Variants in PATJ observed in about 807,000 individuals in gnomAD.
The protein encoded by PATJ is PATJ crumbs cell polarity complex component.
In PATJ, 190 loss-of-function variants were observed where a neutral mutation model predicts 224.9. That is an observed-to-expected ratio of 0.84 (90% CI 0.75 to 0.95). PATJ has a LOEUF of 0.95. Ranked by LOEUF, PATJ falls within the 40% of genes least tolerant of loss-of-function variation. The pLI is 0.00. For missense variants in PATJ, 2,121 were observed against 2,270.3 expected (o/e 0.93, Z 1.34); for synonymous variants, 769 against 820.3 (o/e 0.94, Z 1.07).
intron 1 of PATJ, among the ~76,000 whole-genome samples, chr1:61,754,518 A>ATTTTTTTT (rs1557582039): frequency 1.3e-4 from 14 of 108,416 alleles, no homozygotes; most frequent in Admixed American, 1.2e-4. Context: ...AATTTTTTGC[A>ATTTTTTTT]TGTTTTTTTT....
intron 27 of PATJ, among the ~76,000 whole-genome samples, chr1:61,934,361 G>T (rs775305474): frequency 1.3e-5 from 2 of 151,990 alleles, no homozygotes; most frequent in East Asian, 1.9e-4. Flanking sequence ...CAGGTGATCC[G>T]CCTGCTTTGG....
chr1:61,978,484 C>T (rs752568041), intron 27 of PATJ, among the ~76,000 whole-genome samples: 3 of 151,952 alleles, frequency 2.0e-5, no homozygotes, highest in Non-Finnish European at 2.9e-5. Context: ...AGGCTGGTCT[C>T]GAACTCCCAA....
chr1:61,760,145 G>C lies in PATJ; in HGVS notation c.-35-2713G>C, dbSNP rs375249961. 2.6e-5 allele frequency among the ~76,000 whole-genome samples: 4 copies of C among 152,304 alleles called. No homozygotes were observed. In the South Asian group the frequency reaches 8.3e-4, roughly 32 times the overall value. On this transcript the variant is annotated intron_variant, in intron 1 of 43. Coordinates refer to ENST00000642238, the MANE Select transcript of PATJ (RefSeq NM_001350145.3). ...ATTCACAGTTACCTGTCACTGGGTA[G>C]TTGTAAGAGTTGTACAGTTGAGATG...
chr1:61,828,200 G>C (rs1242282882), intron 16 of PATJ, among the ~76,000 whole-genome samples: 1 of 149,134 alleles, frequency 6.7e-6, no homozygotes, highest in Non-Finnish European at 1.5e-5. Flanking sequence ...CTGAGATCAC[G>C]CCATTGCACT....
At chr1:61,883,863 GTTTT>G (rs67157531) in intron 21 of PATJ, among the ~76,000 whole-genome samples, 1 of 145,556 alleles carries the variant, frequency 6.9e-6, no homozygotes, top group Admixed American at 6.8e-5. Context: ...TTCTGTGGAG[GTTTT>G]TTTTTTTTTT....
At position 61,801,697 on chromosome 1, in the gene PATJ, G is replaced by A. The variant is rs1381652229; in HGVS notation, c.1477G>A (p.Gly493Ser). The A allele has an allele frequency of 1.3e-6, 2 of 1,598,384 alleles. No individual in the cohort carries two copies. The highest frequency in any genetic ancestry group is 1.7e-5 in the Admixed American group (1 of 59,712). The change falls in exon 12 of 44, where the codon GGT becomes AGT. Residue 493 changes from glycine to serine, a missense_variant. Coordinates refer to ENST00000642238, the MANE Select transcript of PATJ (RefSeq NM_001350145.3). ...AGTGGAAACTGAAACTAATGTGGAT[G>A]GTGAAGATGAGGAAATTAAAGAAAG... ...GAVETETNVDGEDEEIKERID... is the reference protein window; with the variant it reads ...GAVETETNVDSEDEEIKERID...
At chr1:61,781,132 G>A (rs1006731374) in intron 7 of PATJ, among the ~76,000 whole-genome samples, 15 of 152,148 alleles carry the variant, frequency 9.9e-5, no homozygotes, top group South Asian at 2.1e-4. Context: ...GATTGAGCCC[G>A]TACCTGTTTG....
rs139717707 is a variant in PATJ at position 61,815,573 on chromosome 1, C to T, written c.1683+7043C>T. Among the ~76,000 whole-genome samples the T allele has an allele frequency of 2.4e-3, 360 of 152,252 alleles. 2 individuals are homozygous for T. Among genetic ancestry groups the T allele is most frequent in the African/African-American group, 7.5e-3 (310 of 41,558 alleles). On this transcript the variant is annotated intron_variant, in intron 14 of 43. Transcript: ENST00000642238. The stretch of plus-strand genomic sequence containing the variant: ...GATGATTCCAGAAGCATCTACATGA[C>T]TGGGCGGGGTGGTTTATGCATATAA...
chr1:62,113,580 A>G lies in PATJ; in HGVS notation c.4462-473A>G, dbSNP rs181414608. Among the ~76,000 whole-genome samples, 3 of 152,262 alleles carry G rather than the reference A, an allele frequency of 2.0e-5. No individual in the cohort carries two copies. In the East Asian group the frequency reaches 5.8e-4, roughly 29 times the overall value. The stretch of plus-strand genomic sequence containing the variant: ...GAGTCTGGGAAGTCAAGGCTGCAGT[A>G]AGCCAGCATTCATGCCACTGCACTC... On this transcript the variant is annotated intron_variant, in intron 34 of 43. Coordinates refer to ENST00000642238, the MANE Select transcript of PATJ (RefSeq NM_001350145.3).
At chr1:61,981,716 G>T (rs1184878760) in intron 27 of PATJ, among the ~76,000 whole-genome samples, 1 of 151,112 alleles carries the variant, frequency 6.6e-6, no homozygotes, top group Non-Finnish European at 1.5e-5. Context: ...CTGTCGCCCA[G>T]GTTGGAGTGC....
chr1:61,766,238 T>C (rs1646262427), intron 3 of PATJ, 41 bp from the exon 4 acceptor site: 3 of 1,338,936 alleles, frequency 2.2e-6, no homozygotes, highest in Non-Finnish European at 2.0e-6. Context: ...AAACAATTTT[T>C]CTATAGATTT....
chr1:62,071,409 C>T (rs1326716785), intron 31 of PATJ, among the ~76,000 whole-genome samples: 1 of 151,750 alleles, frequency 6.6e-6, no homozygotes, highest in Non-Finnish European at 1.5e-5. Context: ...GAAATTATAG[C>T]TACTTTTATT....
chr1:61,808,629 G>A, intron 14 of PATJ, 99 bp downstream of exon 14: 1 of 706,986 alleles, frequency 1.4e-6, no homozygotes, highest in Non-Finnish European at 2.4e-6. Flanking sequence ...AGGCTAAAGT[G>A]ATCCTCCCGT....
intron 33 of PATJ, among the ~76,000 whole-genome samples, chr1:62,088,080 G>A (rs551042382): frequency 1.4e-4 from 21 of 151,920 alleles, no homozygotes; most frequent in Non-Finnish European, 2.9e-4. Context: ...TAGTAGAGAC[G>A]GGGTTTCTCC....
rs1163427386 is a variant in PATJ, at chr1:61,968,605, A to G, written c.3671-21563A>G. ...TTTAAGTTCTAGGGTACATGTGCAC[A>G]ACGTGCAGGTTTGTTACATGTGTAT... On this transcript the variant is annotated intron_variant, in intron 27 of 43. Transcript: ENST00000642238. Among the ~76,000 whole-genome samples the G allele has an allele frequency of 2.0e-5, 3 of 152,184 alleles. No individual in the cohort carries two copies. In the East Asian group the frequency reaches 5.8e-4, roughly 29 times the overall value.
At chr1:61,998,112 CT>C (rs1277938888) in intron 28 of PATJ, among the ~76,000 whole-genome samples, 4 of 144,072 alleles carry the variant, frequency 2.8e-5, no homozygotes, top group African/African-American at 1.0e-4. Context: ...AAGAATCTCA[CT>C]CTGTCACCCA....
chr1:62,026,814 A>G (rs181753492), intron 29 of PATJ, among the ~76,000 whole-genome samples: 1 of 152,318 alleles, frequency 6.6e-6, no homozygotes, highest in East Asian at 1.9e-4. Flanking sequence ...GCAATGAAAT[A>G]AACATAACAC....
At position 61,966,975 on chromosome 1, in the gene PATJ, G is replaced by A. The variant is rs191964183; in HGVS notation, c.3671-23193G>A. 1.6e-3 allele frequency among the ~76,000 whole-genome samples: 237 copies of A among 152,242 alleles called. 1 individual carries two copies. The highest frequency in any genetic ancestry group is 5.4e-3 in the African/African-American group (223 of 41,538). On this transcript the variant is annotated intron_variant, in intron 27 of 43. Coordinates refer to ENST00000642238, the MANE Select transcript of PATJ (RefSeq NM_001350145.3). ...GCCGGCTTCTTTACTGCAAGCTGTT[G>A]TATCAGCAAGATCTTTATGACCTGT... is the stretch of plus-strand genomic sequence containing the variant.
chr1:61,808,494 G>T lies in PATJ; in HGVS notation c.1647G>T (p.Gln549His). 2 of 1,607,742 alleles carry T rather than the reference G, an allele frequency of 1.2e-6. No homozygotes were observed. The highest frequency in any genetic ancestry group is 1.7e-4 in the Middle Eastern group (1 of 6,060). ...TTTAGGTTGCTACTTTGGACACACA[G>T]ATTGCAGATGATGCTGAGTTACAGA... ...YEVMVATLDTQIADDAELQKY... is the reference protein window; with the variant it reads ...YEVMVATLDTHIADDAELQKY... Residue 549 changes from glutamine (Q) to histidine (H), a missense_variant, in exon 14 of 44, where the codon CAG becomes CAT. By Grantham distance (24) the Gln-to-His change is conservative. Transcript: ENST00000642238.
Sources: gnomAD v4.1 joint callset for allele counts (sites outside exome capture counted in the v4.1 genomes callset) on GRCh38, gnomAD v4.1.1 for gene constraint, MANE v1.5 for transcripts, NCBI Gene and HGNC (gene_info 2026-07-23, HGNC 2026-07-21) for gene names.